Variants in SLC24A2 observed in about 807,000 individuals in gnomAD.
SLC24A2 encodes sodium/potassium/calcium exchanger 2.
Under a neutral mutation model 62.0 loss-of-function variants are expected in SLC24A2, and 36 were observed. The observed-to-expected ratio is 0.58, with a 90% CI of 0.44 to 0.77. The LOEUF is 0.77. Ranked by LOEUF, SLC24A2 falls within the 30% of genes least tolerant of loss-of-function variation. SLC24A2 has a pLI of 0.00. For synonymous variants in SLC24A2, 358 were observed against 294.0 expected, an observed-to-expected ratio of 1.22 and a Z score of -2.23; for missense variants, 846 against 817.9, an observed-to-expected ratio of 1.03 and a Z score of -0.42.
At chr9:19,836,770 A>AACC in the SLC24A2 span, among the ~76,000 whole-genome samples, 3 of 152,188 alleles carry the variant, frequency 2.0e-5, no homozygotes, top group Non-Finnish European at 4.4e-5. Flanking sequence ...GCAGAGACAC[A>AACC]ACCAAAAAAG....
intron 2 of SLC24A2, among the ~76,000 whole-genome samples, chr9:19,755,295 T>C (rs190479903): frequency 1.3e-5 from 2 of 152,290 alleles, no homozygotes; most frequent in South Asian, 4.1e-4. Flanking sequence ...TAAGTTCTCA[T>C]AGGACCCTCT....
chr9:20,179,094 C>T, the SLC24A2 span, among the ~76,000 whole-genome samples: 2 of 152,118 alleles, frequency 1.3e-5, no homozygotes, highest in Non-Finnish European at 2.9e-5. Context: ...CCCCTCATTT[C>T]CCACCAGGTT....
the SLC24A2 span, among the ~76,000 whole-genome samples, chr9:19,918,575 C>T: frequency 1.3e-5 from 2 of 152,064 alleles, no homozygotes; most frequent in Admixed American, 6.6e-5. Context: ...CGTGGAAGCT[C>T]TAAAGGTGAG....
At chr9:19,976,027 G>A in the SLC24A2 span, among the ~76,000 whole-genome samples, 1 of 152,030 alleles carries the variant, frequency 6.6e-6, no homozygotes, top group African/African-American at 2.4e-5. Flanking sequence ...CAGGCCCGTG[G>A]CACCACACCC....
At chr9:19,601,537 A>G (rs1021277948) in intron 4 of SLC24A2, among the ~76,000 whole-genome samples, 2 of 152,238 alleles carry the variant, frequency 1.3e-5, no homozygotes, top group Non-Finnish European at 2.9e-5. Flanking sequence ...TCTGGAAGTC[A>G]GAGAGACCAC....
intron 2 of SLC24A2, among the ~76,000 whole-genome samples, chr9:19,728,823 AT>A (rs887094618): frequency 6.6e-6 from 1 of 152,232 alleles, no homozygotes; most frequent in African/African-American, 2.4e-5. Flanking sequence ...CATATTCAAT[AT>A]CAAAAAATTG....
At chr9:20,020,760 A>G in the SLC24A2 span, among the ~76,000 whole-genome samples, 1 of 152,234 alleles carries the variant, frequency 6.6e-6, no homozygotes, top group Non-Finnish European at 1.5e-5. Flanking sequence ...ATTTAAATCT[A>G]TTGGCTTTCA....
chr9:20,250,323 C>A, the SLC24A2 span, among the ~76,000 whole-genome samples: 1 of 152,200 alleles, frequency 6.6e-6, no homozygotes, highest in East Asian at 1.9e-4. Context: ...TACAGGTCTT[C>A]TCCTCAAAAT....
At chr9:19,982,325 G>A in the SLC24A2 span, among the ~76,000 whole-genome samples, 2 of 152,136 alleles carry the variant, frequency 1.3e-5, no homozygotes, top group Non-Finnish European at 2.9e-5. Context: ...AAATGAGGAG[G>A]TTGGTGGGTT....
At chr9:20,143,291 C>A in the SLC24A2 span, among the ~76,000 whole-genome samples, 1 of 152,264 alleles carries the variant, frequency 6.6e-6, no homozygotes, top group South Asian at 2.1e-4. Flanking sequence ...CAGCTGCCAA[C>A]TCCCAATCTT....
the SLC24A2 span, among the ~76,000 whole-genome samples, chr9:20,209,255 C>A: frequency 1.3e-5 from 2 of 152,194 alleles, no homozygotes; most frequent in Admixed American, 6.5e-5. Context: ...TATGTAACTA[C>A]TTGATTAGCA....
the SLC24A2 span, among the ~76,000 whole-genome samples, chr9:19,835,207 T>C: frequency 6.6e-6 from 1 of 152,092 alleles, no homozygotes; most frequent in Non-Finnish European, 1.5e-5. Flanking sequence ...AATGACAGGA[T>C]CAAATTCACA....
chr9:19,856,116 T>C, the SLC24A2 span, among the ~76,000 whole-genome samples: 1 of 152,246 alleles, frequency 6.6e-6, no homozygotes, highest in Non-Finnish European at 1.5e-5. Flanking sequence ...TCTTGTGTTG[T>C]GTTTTTCAGC....
At chr9:20,073,171 C>T in the SLC24A2 span, among the ~76,000 whole-genome samples, 3 of 152,144 alleles carry the variant, frequency 2.0e-5, no homozygotes, top group Non-Finnish European at 4.4e-5. Flanking sequence ...TGTGATCAAG[C>T]TGTTGTCTGG....
intron 2 of SLC24A2, among the ~76,000 whole-genome samples, chr9:19,712,832 T>C (rs66516775): frequency 0.28 from 42,728 of 151,990 alleles, 6,046 homozygotes; most frequent in Middle Eastern, 0.4. Flanking sequence ...CTCTGCAGCA[T>C]AGGGTGTTTA....
At chr9:19,863,680 A>G in the SLC24A2 span, among the ~76,000 whole-genome samples, 9,380 of 132,660 alleles carry the variant, frequency 0.071, 440 homozygotes, top group East Asian at 0.22. Context: ...CAGAAACACA[A>G]CTTACCAAAA....
the SLC24A2 span, among the ~76,000 whole-genome samples, chr9:20,032,899 G>C: frequency 6.6e-6 from 1 of 152,088 alleles, no homozygotes; most frequent in African/African-American, 2.4e-5. Context: ...CATTCCCAGC[G>C]GCTGACCGAA....
the SLC24A2 span, among the ~76,000 whole-genome samples, chr9:19,949,365 T>G: frequency 0.014 from 2,077 of 152,238 alleles, 51 homozygotes; most frequent in African/African-American, 0.048. Flanking sequence ...CGATTTTTCC[T>G]AGATATGAAG....
chr9:20,126,075 T>C, the SLC24A2 span, among the ~76,000 whole-genome samples: 1 of 152,122 alleles, frequency 6.6e-6, no homozygotes, highest in African/African-American at 2.4e-5. Context: ...CTTACAAAGG[T>C]GTTTTTTTTG....
Sources: allele counts gnomAD v4.1 joint callset (sites outside exome capture counted in the v4.1 genomes callset), GRCh38; gene constraint gnomAD v4.1.1; transcripts MANE v1.5; gene names NCBI Gene and HGNC (gene_info 2026-07-23, HGNC 2026-07-21).